Variants in LHX9 observed in about 807,000 individuals in gnomAD.
LHX9 encodes the protein LIM/homeobox protein Lhx9.
A neutral mutation model predicts 36.5 loss-of-function variants in LHX9; 9 were observed. The ratio of observed to expected loss-of-function variants is 0.25; its 90% CI spans 0.15 to 0.43. LHX9 has a LOEUF of 0.43. Among genes scored for constraint, LHX9 ranks in the 20% least tolerant of loss-of-function variants. The pLI is 1.00. For missense variants in LHX9, 464 were observed against 526.4 expected (o/e 0.88, Z 1.16); for synonymous variants, 211 against 212.1 (o/e 0.99, Z 0.04).
chr1:197,918,962 C>A (rs993417155), intron 1 of LHX9, among the ~76,000 whole-genome samples: 2 of 152,066 alleles, frequency 1.3e-5, no homozygotes, highest in African/African-American at 4.8e-5. Context: ...AACTGGTGAA[C>A]GTGTCTATAT....
Position 197,917,648 on chromosome 1 carries a change from C to A in LHX9, c.-176C>A. On this transcript the variant is annotated 5_prime_UTR_variant, in exon 1 of 5. Transcript: ENST00000367387. ...GGCTTCCCCCCAACTCTTCCCAGTT[C>A]TTTTTGCTTCCCCTCGGCCCCCCAA... 6.6e-7 allele frequency: 1 copy of A among 1,514,720 alleles called. No individual in the cohort carries two copies. Among genetic ancestry groups the A allele is most frequent in the Non-Finnish European group, 8.8e-7 (1 of 1,134,834 alleles). 93.8% of individuals were successfully genotyped at this position (1,514,720 alleles called of 1,614,324 possible).
At chr1:197,916,478 G>T (rs899603802), upstream of LHX9, 54 of 578,788 alleles carry the variant, frequency 9.3e-5, no homozygotes, top group Non-Finnish European at 1.3e-4. Context: ...CCGGGAGTCC[G>T]CAAGTCGCTT....
At position 197,930,081 on chromosome 1, in the gene LHX9, TC is replaced by T. The variant is rs1358409764; in HGVS notation, c.*825del. 1 of 974,240 alleles carries T rather than the reference TC, an allele frequency of 1.0e-6. No homozygotes were observed. Among genetic ancestry groups the T allele is most frequent in the Non-Finnish European group, 1.2e-6 (1 of 819,802 alleles). The allele number at this position is 974,240 out of a possible 1,614,324, so 60.3% of individuals were successfully genotyped here. ...AACCATTCTTTCTAGTTACTTTTTT[TC>T]CCAGGGAAAATGGAAATAAGCAAAA... On this transcript the variant is annotated 3_prime_UTR_variant, in exon 5 of 5. Coordinates refer to ENST00000367387, the MANE Select transcript of LHX9 (RefSeq NM_020204.3).
intron 3 of LHX9, 58 bp from the exon 4 acceptor site, chr1:197,927,533 T>G (rs188392601): frequency 1.8e-5 from 25 of 1,427,304 alleles, no homozygotes; most frequent in Middle Eastern, 1.8e-4. Context: ...CCTGCCATCA[T>G]GTCAGCTAAT....
intron 1 of LHX9, chr1:197,918,239 G>A: frequency 1.4e-6 from 1 of 714,626 alleles, no homozygotes; most frequent in South Asian, 1.5e-5. Context: ...AGCAGGGAGA[G>A]GAACTGGGAG....
chr1:197,925,905 T>C (rs1262549375), intron 3 of LHX9, among the ~76,000 whole-genome samples: 3 of 152,248 alleles, frequency 2.0e-5, no homozygotes, highest in African/African-American at 4.8e-5. Flanking sequence ...CTTGAGCTCC[T>C]ACCCCTGTGT....
chr1:197,928,009 C>T (rs1278552967), intron 4 of LHX9, among the ~76,000 whole-genome samples: 2 of 152,224 alleles, frequency 1.3e-5, no homozygotes, highest in African/African-American at 4.8e-5. Flanking sequence ...CAGCCACATT[C>T]TCTCTACATA....
upstream of LHX9, chr1:197,916,828 C>T (rs1659774099): frequency 2.9e-6 from 2 of 701,440 alleles, no homozygotes; most frequent in African/African-American, 1.7e-5. Context: ...AGGAGAGGAA[C>T]CAGCATTATC....
At position 197,920,114 on chromosome 1, in the gene LHX9, A is replaced by C; in HGVS notation, c.317A>C (p.Glu106Ala). The part of the protein sequence containing the change: ...LKCCECKLAL[E>A]SELTCFAKDG... ...TGCTGTGAATGTAAGCTGGCCCTCG[A>C]GTCCGAGCTCACCTGCTTTGCCAAG... The change falls in exon 2 of 5, where the codon GAG (glutamate) becomes GCG (alanine). Residue 106 changes from glutamate to alanine, a missense_variant. Glu to Ala is a moderately radical substitution (Grantham distance 107, BLOSUM62 -1). Coordinates refer to ENST00000367387, the MANE Select transcript of LHX9 (RefSeq NM_020204.3). 6.2e-7 allele frequency: 1 copy of C among 1,614,204 alleles called. No homozygotes were observed. Among genetic ancestry groups the C allele is most frequent in the Non-Finnish European group, 8.5e-7 (1 of 1,180,026 alleles).
At chr1:197,918,074 T>G in intron 1 of LHX9, 77 bp downstream of exon 1, 1 of 1,513,274 alleles carries the variant, frequency 6.6e-7, no homozygotes, top group Non-Finnish European at 8.9e-7. Context: ...CCCTGGCCGG[T>G]GGAGAACCGG....
At position 197,929,901 on chromosome 1, in the gene LHX9, C is replaced by T. The variant is rs1343815724; in HGVS notation, c.*642C>T. The T allele has an allele frequency of 1.0e-6, 1 of 970,646 alleles. No homozygotes were observed. Among genetic ancestry groups the T allele is most frequent in the Admixed American group, 6.2e-5 (1 of 16,232 alleles). 60.1% of individuals were successfully genotyped at this position (970,646 alleles called of 1,614,324 possible). On this transcript the variant is annotated 3_prime_UTR_variant, in exon 5 of 5. Coordinates refer to ENST00000367387, the MANE Select transcript of LHX9 (RefSeq NM_020204.3). ...TATTACAGGAATGTGACTTTTCCTT[C>T]TCTTAGGGGTGTACAACTCTAAAAA... is the stretch of plus-strand genomic sequence containing the variant.
At chr1:197,928,905 A>AAAT in intron 4 of LHX9, 97 bp from the exon 5 acceptor site, 7 of 1,167,308 alleles carry the variant, frequency 6.0e-6, no homozygotes, top group Non-Finnish European at 8.0e-6. Flanking sequence ...AAAAAAAAAA[A>AAAT]GAAAGAAAGA....
Position 197,933,403 on chromosome 1 carries a change from T to G in LHX9, c.*4144T>G, listed in dbSNP as rs1044682619. The G allele has an allele frequency of 6.6e-6, 1 of 152,146 alleles. No individual in the cohort carries two copies. Among genetic ancestry groups the G allele is most frequent in the African/African-American group, 2.4e-5 (1 of 41,452 alleles). The allele number at this position is 152,146 out of a possible 1,614,324, so 9.4% of individuals were successfully genotyped here. A position where few individuals can be genotyped will look rare whatever the true frequency, so the allele number is the denominator to read the frequency against. Reference sequence around the variant, plus strand: ...GCAATGCACCATGACAAGTAGACTATTTTGAGTGATCACAAATCATGCTGG... The same window carrying G: ...GCAATGCACCATGACAAGTAGACTAGTTTGAGTGATCACAAATCATGCTGG... On this transcript the variant is annotated 3_prime_UTR_variant, in exon 5 of 5. Coordinates refer to ENST00000367387, the MANE Select transcript of LHX9 (RefSeq NM_020204.3).
intron 1 of LHX9, chr1:197,918,633 A>G (rs1390636895): frequency 2.0e-6 from 1 of 511,782 alleles, no homozygotes; most frequent in Non-Finnish European, 3.5e-6. Flanking sequence ...AATAAAACAT[A>G]CGGAGGAGCG....
At chr1:197,913,767 C>T (rs1461858177), upstream of LHX9, among the ~76,000 whole-genome samples, 5 of 152,208 alleles carry the variant, frequency 3.3e-5, no homozygotes, top group African/African-American at 1.2e-4. Context: ...ACCAGCTTAA[C>T]AGGGTCTGGA....
upstream of LHX9, among the ~76,000 whole-genome samples, chr1:197,915,254 C>T (rs1659712553): frequency 6.6e-6 from 1 of 152,138 alleles, no homozygotes; most frequent in African/African-American, 2.4e-5. Flanking sequence ...TTGGAGCTTC[C>T]TTGGGTGAAT....
At chr1:197,922,802 C>A (rs1660031696) in intron 3 of LHX9, among the ~76,000 whole-genome samples, 1 of 152,108 alleles carries the variant, frequency 6.6e-6, no homozygotes, top group Admixed American at 6.5e-5. Flanking sequence ...CTATGAATGC[C>A]CCCAGATACC....
At chr1:197,916,963 GTCC>G (rs781039463), upstream of LHX9, among the ~76,000 whole-genome samples, 7 of 152,212 alleles carry the variant, frequency 4.6e-5, no homozygotes, top group Non-Finnish European at 1.0e-4. Flanking sequence ...TATTCTCTGT[GTCC>G]TGAGCCAAGG....
rs1423851491 is a variant in LHX9 at position 197,934,001 on chromosome 1, T to C, written c.*4742T>C. 1 of 152,164 alleles carries C rather than the reference T, an allele frequency of 6.6e-6. No homozygotes were observed. The highest frequency in any genetic ancestry group is 1.9e-4 in the East Asian group (1 of 5,188). The allele number at this position is 152,164 out of a possible 1,614,324, so 9.4% of individuals were successfully genotyped here. A position where few individuals can be genotyped will look rare whatever the true frequency, so the allele number is the denominator to read the frequency against. On this transcript the variant is annotated 3_prime_UTR_variant, in exon 5 of 5. Transcript: ENST00000367387. ...TAGTCTAACTTCTGGCAGATTGATCTTGGGCAAAAAGCTTCACTGAGAGTT... is the reference window on the plus strand; with the variant it reads ...TAGTCTAACTTCTGGCAGATTGATCCTGGGCAAAAAGCTTCACTGAGAGTT...
Sources: allele counts gnomAD v4.1 joint callset (sites outside exome capture counted in the v4.1 genomes callset), GRCh38; gene constraint gnomAD v4.1.1; transcripts MANE v1.5; gene names NCBI Gene and HGNC (gene_info 2026-07-23, HGNC 2026-07-21).